The following EPHB1 variants were observed in gnomAD, a reference collection of about 807,000 sequenced individuals.
The protein encoded by EPHB1 is ephrin type-B receptor 1.
A neutral mutation model predicts 94.4 loss-of-function variants in EPHB1; 30 were observed. The observed-to-expected ratio is 0.32, with a 90% CI of 0.24 to 0.43. The LOEUF (loss-of-function observed/expected upper bound fraction) is 0.43, where lower values mean the gene tolerates loss of function less well. Among genes scored for constraint, EPHB1 ranks in the 20% least tolerant of loss-of-function variants. EPHB1 has a pLI of 1.00. For synonymous variants in EPHB1, 522 were observed against 489.1 expected (o/e 1.07, Z -0.89); for missense variants, 1,055 against 1,308.3 (o/e 0.81, Z 2.99).
In EPHB1 at chr3:134,957,413, G is replaced by A. The variant is rs1933319282; in HGVS notation, c.805+5361G>A. ...GAACCTGGGTGCCTGAGGGGATGAAGAAGGAGTCTGGGAGAGGGGACTGCA... is the reference window on the plus strand; with the variant it reads ...GAACCTGGGTGCCTGAGGGGATGAAAAAGGAGTCTGGGAGAGGGGACTGCA... On this transcript the variant is annotated intron_variant, in intron 3 of 15. Coordinates refer to ENST00000398015, the MANE Select transcript of EPHB1 (RefSeq NM_004441.5). Among the ~76,000 whole-genome samples, 3 of 152,226 alleles carry A rather than the reference G, an allele frequency of 2.0e-5. No individual in the cohort carries two copies. The South Asian group carries it at 6.2e-4, about 32-fold the overall frequency.
intron 5 of EPHB1, among the ~76,000 whole-genome samples, chr3:135,148,367 ACTC>A (rs1941083547): frequency 6.6e-6 from 1 of 152,108 alleles, no homozygotes; most frequent in Non-Finnish European, 1.5e-5. Context: ...TGACAGTAAA[ACTC>A]CTGCACATCA....
At chr3:135,073,080 T>C (rs190798567) in intron 3 of EPHB1, among the ~76,000 whole-genome samples, 102 of 152,178 alleles carry the variant, frequency 6.7e-4, no homozygotes, top group Non-Finnish European at 1.1e-3. Context: ...AGGTTTTTTT[T>C]TTCTTTTCAG....
chr3:134,979,928 T>C (rs1934342971), intron 3 of EPHB1, among the ~76,000 whole-genome samples: 1 of 152,224 alleles, frequency 6.6e-6, no homozygotes, highest in Non-Finnish European at 1.5e-5. Context: ...TTGTTGTTGT[T>C]ACTTTGCGGC....
chr3:134,958,546 G>A (rs897920139), intron 3 of EPHB1, among the ~76,000 whole-genome samples: 3 of 152,064 alleles, frequency 2.0e-5, no homozygotes, highest in Non-Finnish European at 4.4e-5. Context: ...GGAAACCACA[G>A]CCCAGATAGC....
At chr3:135,049,881 T>C (rs1165129274) in intron 3 of EPHB1, among the ~76,000 whole-genome samples, 1 of 152,164 alleles carries the variant, frequency 6.6e-6, no homozygotes, top group Non-Finnish European at 1.5e-5. Context: ...GTGCTCTGAG[T>C]GTTTTTCCTG....
At chr3:135,101,366 A>G (rs1939029749) in intron 3 of EPHB1, among the ~76,000 whole-genome samples, 1 of 147,774 alleles carries the variant, frequency 6.8e-6, no homozygotes, top group African/African-American at 2.4e-5. Context: ...CACCATTGCC[A>G]AGAAATGACA....
chr3:135,182,887 T>C (rs558297817), intron 10 of EPHB1, among the ~76,000 whole-genome samples: 2 of 152,266 alleles, frequency 1.3e-5, no homozygotes, highest in East Asian at 3.9e-4. Flanking sequence ...ACATCAGCCA[T>C]AGTAGAAGTA....
At chr3:135,119,454 C>CT (rs11363986) in intron 4 of EPHB1, among the ~76,000 whole-genome samples, 11 of 151,692 alleles carry the variant, frequency 7.3e-5, no homozygotes, top group Admixed American at 1.3e-4. Context: ...CTTTTTCTTT[C>CT]TTTTTTTTGT....
intron 1 of EPHB1, among the ~76,000 whole-genome samples, chr3:134,906,752 G>T (rs949900442): frequency 5.3e-5 from 8 of 152,228 alleles, no homozygotes; most frequent in Non-Finnish European, 1.0e-4. Context: ...GTGGTCAGTG[G>T]TAAACCAAGG....
At chr3:135,068,659 TTG>T (rs1373581772) in intron 3 of EPHB1, among the ~76,000 whole-genome samples, 22 of 151,734 alleles carry the variant, frequency 1.4e-4, no homozygotes, top group African/African-American at 5.1e-4. Flanking sequence ...TTTTTTTTTT[TTG>T]TTTTTGAGAC....
intron 1 of EPHB1, among the ~76,000 whole-genome samples, chr3:134,850,458 A>G (rs999552265): frequency 2.6e-5 from 4 of 152,098 alleles, no homozygotes; most frequent in Non-Finnish European, 5.9e-5. Context: ...GATGTTTCCA[A>G]CCTTGCCCCC....
At chr3:135,077,452 C>T (rs978319264) in intron 3 of EPHB1, among the ~76,000 whole-genome samples, 1 of 152,244 alleles carries the variant, frequency 6.6e-6, no homozygotes, top group Admixed American at 6.5e-5. Context: ...CCGTCCCTCT[C>T]ACCCACTCTG....
At chr3:134,839,755 C>T (rs534000371) in intron 1 of EPHB1, among the ~76,000 whole-genome samples, 44 of 152,282 alleles carry the variant, frequency 2.9e-4, no homozygotes, top group Non-Finnish European at 6.2e-4. Context: ...TTTTCCAGGT[C>T]CCCTATTAGG....
intron 1 of EPHB1, among the ~76,000 whole-genome samples, chr3:134,835,251 G>A (rs903759381): frequency 3.9e-5 from 6 of 152,222 alleles, no homozygotes; most frequent in Admixed American, 3.3e-4. Context: ...TGGAGGTGGT[G>A]GAAACTCCAG....
intron 3 of EPHB1, among the ~76,000 whole-genome samples, chr3:135,093,854 A>G (rs1938651799): frequency 6.6e-6 from 1 of 152,238 alleles, no homozygotes; most frequent in Admixed American, 6.5e-5. Context: ...ATCTTTAAGA[A>G]CAATATTTGT....
At chr3:134,968,958 T>G (rs1933866775) in intron 3 of EPHB1, among the ~76,000 whole-genome samples, 1 of 152,248 alleles carries the variant, frequency 6.6e-6, no homozygotes, top group Admixed American at 6.5e-5. Context: ...TCCATTCGCT[T>G]GTTGAGGAGA....
intron 1 of EPHB1, among the ~76,000 whole-genome samples, chr3:134,848,417 A>C (rs2108298687): frequency 6.6e-6 from 1 of 152,346 alleles, no homozygotes; most frequent in East Asian, 1.9e-4. Context: ...AGAAAATAGA[A>C]ATTGTAGCAC....
chr3:135,195,108 G>C (rs3772637), intron 11 of EPHB1, among the ~76,000 whole-genome samples: 1 of 151,950 alleles, frequency 6.6e-6, no homozygotes, highest in Non-Finnish European at 1.5e-5. Flanking sequence ...AAGGCAATGT[G>C]AGAAGGAAAA....
chr3:135,245,475 CAA>C (rs901488932), intron 13 of EPHB1, among the ~76,000 whole-genome samples: 1 of 112,830 alleles, frequency 8.9e-6, no homozygotes, highest in African/African-American at 3.8e-5. Context: ...ACACACCAAA[CAA>C]AGAGCAAATA....
Sources: gnomAD v4.1 joint callset for allele counts (sites outside exome capture counted in the v4.1 genomes callset) on GRCh38, gnomAD v4.1.1 for gene constraint, MANE v1.5 for transcripts, NCBI Gene and HGNC (gene_info 2026-07-23, HGNC 2026-07-21) for gene names.